The following RHCG variants were observed in gnomAD, a reference collection of about 807,000 sequenced individuals.
RHCG encodes ammonium transporter Rh type C.
A neutral mutation model predicts 55.3 loss-of-function variants in RHCG; 39 were observed. The observed-to-expected ratio is 0.70, with a 90% CI of 0.55 to 0.92. The LOEUF (loss-of-function observed/expected upper bound fraction) is 0.92, where lower values mean the gene tolerates loss of function less well. RHCG is among the 40% of genes least tolerant of loss of function. RHCG has a pLI of 0.00. For synonymous variants in RHCG, 250 were observed against 246.8 expected (o/e 1.01, Z -0.12); for missense variants, 635 against 627.9 (o/e 1.01, Z -0.12).
chr15:89,475,883 T>G (rs1961139200), intron 9 of RHCG, among the ~76,000 whole-genome samples: 1 of 152,200 alleles, frequency 6.6e-6, no homozygotes, highest in Non-Finnish European at 1.5e-5. Flanking sequence ...ACAGTGGTGC[T>G]TAGACTTGTT....
At chr15:89,492,430 G>T (rs912345016) in intron 1 of RHCG, among the ~76,000 whole-genome samples, 1 of 149,518 alleles carries the variant, frequency 6.7e-6, no homozygotes, top group Non-Finnish European at 1.5e-5. Context: ...CCCATTCGCA[G>T]CCCAGCCTAA....
chr15:89,479,010 G>A lies in RHCG; in HGVS notation c.837+312C>T, dbSNP rs568237632. ...AGCTAGTTGGGAAACTGAGACAAGAGAATTGCTTAAACTTGGGATGCAGAG... is the reference window on the plus strand; with the variant it reads ...AGCTAGTTGGGAAACTGAGACAAGAAAATTGCTTAAACTTGGGATGCAGAG... On this transcript the variant is annotated intron_variant, in intron 5 of 10. Coordinates refer to ENST00000268122, the MANE Select transcript of RHCG (RefSeq NM_016321.3). Among the ~76,000 whole-genome samples the A allele has an allele frequency of 4.8e-5, 7 of 144,416 alleles. No homozygotes were observed. The South Asian group carries it at 1.5e-3, about 30-fold the overall frequency. 94.7% of individuals were successfully genotyped at this position (144,416 alleles called of 152,430 possible). A position where few individuals can be genotyped will look rare whatever the true frequency, so the allele number is the denominator to read the frequency against.
rs1309968098 is a variant in RHCG at position 89,480,388 on chromosome 15, G to A, written c.543C>T (p.Ser181=). The A allele has an allele frequency of 6.2e-7, 1 of 1,614,056 alleles. No individual in the cohort carries two copies. The highest frequency in any genetic ancestry group is 1.7e-5 in the Admixed American group (1 of 60,020). Residue 181 remains serine, a synonymous_variant, in exon 4 of 11, where the codon TCC becomes TCT. Transcript: ENST00000268122. ...NLLKVKDAGG[S]MTIHTFGAYF... ...AGGCGCCAAATGTGTGGATGGTCAT[G>A]GAGCCTCCTGCATCCTTCACCTGGG...
At chr15:89,493,974 C>T (rs1014738002) in intron 1 of RHCG, among the ~76,000 whole-genome samples, 1 of 152,072 alleles carries the variant, frequency 6.6e-6, no homozygotes, top group South Asian at 2.1e-4. Context: ...TTCCCCTATA[C>T]CCCTCTCCTC....
At chr15:89,473,745 G>A (rs1244967873) in intron 9 of RHCG, among the ~76,000 whole-genome samples, 1 of 152,144 alleles carries the variant, frequency 6.6e-6, no homozygotes, top group Non-Finnish European at 1.5e-5. Flanking sequence ...CAAATACTAT[G>A]CCATTTTATA....
intron 3 of RHCG, among the ~76,000 whole-genome samples, chr15:89,480,614 C>T (rs1383269404): frequency 1.3e-5 from 2 of 152,212 alleles, no homozygotes; most frequent in Non-Finnish European, 2.9e-5. Flanking sequence ...GCCAGGGTGT[C>T]CTCACCCAGC....
At chr15:89,476,881 C>A (rs906880263) in intron 8 of RHCG, 53 bp from the exon 9 acceptor site, 54 of 1,562,268 alleles carry the variant, frequency 3.5e-5, no homozygotes, top group Non-Finnish European at 4.3e-5. Flanking sequence ...TCTCTGCTCA[C>A]CCCAGCCATT....
chr15:89,477,496 C>T lies in RHCG; in HGVS notation c.1112+21G>A. The stretch of plus-strand genomic sequence containing the variant: ...GAAGGAAGGGGGAAGCTCCATCCCA[C>T]CGCACCTCCTCCACATTTACCCTTC... On this transcript the variant is annotated intron_variant, in intron 7 of 10. Coordinates refer to ENST00000268122, the MANE Select transcript of RHCG (RefSeq NM_016321.3). The surrounding 1 kb of genome is among the most constrained non-coding windows in gnomAD (Gnocchi z 4.5). 1.2e-6 allele frequency: 2 copies of T among 1,613,080 alleles called. No individual in the cohort carries two copies. Among genetic ancestry groups the T allele is most frequent in the Non-Finnish European group, 1.7e-6 (2 of 1,179,544 alleles).
chr15:89,474,944 G>T (rs1387519011), intron 9 of RHCG, among the ~76,000 whole-genome samples: 9 of 107,260 alleles, frequency 8.4e-5, no homozygotes, highest in African/African-American at 1.4e-4. Context: ...CTGCCTTCCT[G>T]CCTTCATTCA....
At chr15:89,489,859 T>G (rs1056699286) in intron 1 of RHCG, among the ~76,000 whole-genome samples, 2 of 152,198 alleles carry the variant, frequency 1.3e-5, no homozygotes, top group African/African-American at 4.8e-5. Flanking sequence ...CACCCTTTTT[T>G]CTTTCACGGT....
intron 1 of RHCG, 62 bp downstream of exon 1, chr15:89,496,299 C>A: frequency 6.3e-7 from 1 of 1,578,434 alleles, no homozygotes; most frequent in South Asian, 1.1e-5. Context: ...GGGCCGAGCC[C>A]TTGGCCAGGT....
At chr15:89,489,557 T>C (rs1596408317) in intron 1 of RHCG, among the ~76,000 whole-genome samples, 1 of 152,118 alleles carries the variant, frequency 6.6e-6, no homozygotes, top group African/African-American at 2.4e-5. Flanking sequence ...CCCACCTGTC[T>C]CCCGGGGGAT....
intron 1 of RHCG, among the ~76,000 whole-genome samples, chr15:89,490,307 G>A (rs1442284136): frequency 6.6e-6 from 1 of 152,260 alleles, no homozygotes; most frequent in African/African-American, 2.4e-5. Flanking sequence ...CCTGGAGGAG[G>A]CTTAGGGGGC....
At chr15:89,487,403 G>T (rs868419253) in intron 1 of RHCG, among the ~76,000 whole-genome samples, 1 of 152,210 alleles carries the variant, frequency 6.6e-6, no homozygotes, top group East Asian at 1.9e-4. Flanking sequence ...AGAATTTGGG[G>T]CCAGGTGTGG....
rs1335449433 is a variant in RHCG, at chr15:89,475,016, TCCTTCCTTCCTGCCCG to T, written c.1311+1723_1311+1738del. On this transcript the variant is annotated intron_variant, in intron 9 of 10. Coordinates refer to ENST00000268122, the MANE Select transcript of RHCG (RefSeq NM_016321.3). ...TGCCTTCCTTCCTTCCTGCCCGCCTTCCTTCCTTCCTGCCCGCCTTCCTTCCTGCCCGCCTTCCTTC... is the reference window on the plus strand; with the variant it reads ...TGCCTTCCTTCCTTCCTGCCCGCCTTCCTTCCTTCCTGCCCGCCTTCCTTC... Among the ~76,000 whole-genome samples, 252 of 132,798 alleles carry T rather than the reference TCCTTCCTTCCTGCCCG, an allele frequency of 1.9e-3. 55 individuals carry two copies. The highest frequency in any genetic ancestry group is 6.9e-3 in the African/African-American group (207 of 30,200). 87.1% of individuals were successfully genotyped at this position (132,798 alleles called of 152,430 possible).
chr15:89,476,392 TAGG>T (rs1336915634), intron 9 of RHCG, among the ~76,000 whole-genome samples: 1 of 152,150 alleles, frequency 6.6e-6, no homozygotes, highest in Non-Finnish European at 1.5e-5. Flanking sequence ...AACCAGTCTG[TAGG>T]TGATGCTGAT....
intron 3 of RHCG, among the ~76,000 whole-genome samples, chr15:89,481,933 C>T (rs962929227): frequency 6.6e-6 from 1 of 152,184 alleles, no homozygotes; most frequent in African/African-American, 2.4e-5. Flanking sequence ...TCCAGAGTAG[C>T]TGGGATTACA....
At chr15:89,495,809 C>T (rs997939632) in intron 1 of RHCG, among the ~76,000 whole-genome samples, 3 of 152,202 alleles carry the variant, frequency 2.0e-5, no homozygotes, top group Admixed American at 6.5e-5. Flanking sequence ...GCAAGAGCCA[C>T]GAGAGCATGA....
chr15:89,472,373 A>G (rs187301488), intron 10 of RHCG, among the ~76,000 whole-genome samples: 35 of 152,284 alleles, frequency 2.3e-4, no homozygotes, highest in African/African-American at 7.9e-4. Context: ...TTTATAGATG[A>G]GGAAATCGAG....
Sources: gnomAD v4.1 joint callset for allele counts (sites outside exome capture counted in the v4.1 genomes callset) on GRCh38, gnomAD v4.1.1 for gene constraint, Gnocchi (gnomAD v3.1) non-coding constraint, MANE v1.5 for transcripts, NCBI Gene and HGNC (gene_info 2026-07-23, HGNC 2026-07-21) for gene names.